TATDN1: variants seen among roughly 807,000 people sequenced by gnomAD.
TATDN1 encodes the protein deoxyribonuclease TATDN1.
TATDN1 carries 40 observed loss-of-function variants against 46.4 expected under a neutral mutation model. The ratio of observed to expected loss-of-function variants is 0.86; its 90% CI spans 0.67 to 1.12. The LOEUF (loss-of-function observed/expected upper bound fraction) is 1.12. TATDN1 is among the 50% of genes most tolerant of loss of function. TATDN1 has a pLI of 0.00. For synonymous variants in TATDN1, 95 were observed against 105.6 expected (o/e 0.90, Z 0.62); for missense variants, 326 against 348.4 (o/e 0.94, Z 0.51).
At chr8:124,489,403 CTTTTT>C (rs11443180) in intron 11 of TATDN1, 1 of 146,752 alleles carries the variant, frequency 6.8e-6, no homozygotes, top group Non-Finnish European at 1.5e-5. Context: ...TCTTTCCTTT[CTTTTT>C]TTTTTCTTTT....
chr8:124,536,228 T>G (rs1821416667), intron 1 of TATDN1, among the ~76,000 whole-genome samples: 1 of 152,150 alleles, frequency 6.6e-6, no homozygotes, highest in South Asian at 2.1e-4. Context: ...ATTCCACTTG[T>G]GGAGACAGAA....
At chr8:124,518,905 A>G (rs748689971) in intron 3 of TATDN1, 24 bp from the exon 4 acceptor site, 4 of 1,527,634 alleles carry the variant, frequency 2.6e-6, no homozygotes, top group Non-Finnish European at 2.7e-6. Flanking sequence ...AAAATAAAAT[A>G]AGCTGACTTT....
rs1324378900 is a variant in TATDN1 at position 124,488,613 on chromosome 8, AC to A, written c.874del (p.Val292TyrfsTer22). 3.2e-6 allele frequency: 5 copies of A among 1,561,196 alleles called. No individual in the cohort carries two copies. Among genetic ancestry groups the A allele is most frequent in the Non-Finnish European group, 4.4e-6 (5 of 1,137,816 alleles). On this transcript the variant is annotated frameshift_variant, in exon 12 of 12. Coordinates refer to ENST00000276692, the MANE Select transcript of TATDN1 (RefSeq NM_032026.4). LOFTEE classifies it high-confidence loss of function. ...TACCAATTATATTCCAGGAAAAAAT[AC>A]TTTAATAGTATTGTTATATAGTGTA... ...ANTLYNNTIK[V>X]FFPGI
chr8:124,528,448 CA>C (rs1452113753), intron 1 of TATDN1, among the ~76,000 whole-genome samples: 1 of 152,224 alleles, frequency 6.6e-6, no homozygotes, highest in Non-Finnish European at 1.5e-5. Context: ...GCTGGGATCA[CA>C]GGGGTGAGCC....
At chr8:124,503,762 A>C (rs959099179) in intron 9 of TATDN1, 1 of 486,120 alleles carries the variant, frequency 2.1e-6, no homozygotes, top group Non-Finnish European at 3.8e-6. Context: ...TGTGAAGTTT[A>C]GTGTGGTACA....
intron 4 of TATDN1, among the ~76,000 whole-genome samples, chr8:124,518,523 C>CAAAA: frequency 1.2e-5 from 1 of 83,140 alleles, no homozygotes; most frequent in Non-Finnish European, 2.8e-5. Flanking sequence ...GACTCCGTCT[C>CAAAA]AAAAAAAAAA....
intron 4 of TATDN1, among the ~76,000 whole-genome samples, chr8:124,517,058 G>A (rs1819535952): frequency 6.6e-6 from 1 of 152,128 alleles, no homozygotes; most frequent in Non-Finnish European, 1.5e-5. Context: ...AGCTGTTTGG[G>A]GATGAAAAGT....
chr8:124,494,684 ACAGG>A (rs1817309099), intron 10 of TATDN1: 4 of 151,434 alleles, frequency 2.6e-5, no homozygotes, highest in Admixed American at 2.6e-4. Context: ...AGCTGGGACT[ACAGG>A]CAAGTGCCAC....
At chr8:124,506,791 C>A (rs1442927276) in intron 8 of TATDN1, among the ~76,000 whole-genome samples, 4 of 152,146 alleles carry the variant, frequency 2.6e-5, no homozygotes, top group Admixed American at 1.3e-4. Context: ...GAGTCACTCT[C>A]CTGAAATTGC....
At chr8:124,502,183 A>C (rs548347741) in intron 9 of TATDN1, among the ~76,000 whole-genome samples, 141 of 152,052 alleles carry the variant, frequency 9.3e-4, no homozygotes, top group African/African-American at 3.2e-3. Flanking sequence ...AAATACAAAA[A>C]CAAAAAAAAT....
At chr8:124,534,267 A>G (rs1821242999) in intron 1 of TATDN1, among the ~76,000 whole-genome samples, 1 of 151,150 alleles carries the variant, frequency 6.6e-6, no homozygotes. Flanking sequence ...ATGACTTTAC[A>G]TTTTTAAATA....
chr8:124,523,579 A>G (rs1435090795), intron 1 of TATDN1: 2 of 152,300 alleles, frequency 1.3e-5, no homozygotes, highest in East Asian at 1.9e-4. Context: ...GAAAATAAAA[A>G]TAACAACACA....
At chr8:124,510,595 G>A (rs561784412) in intron 6 of TATDN1, among the ~76,000 whole-genome samples, 2 of 152,172 alleles carry the variant, frequency 1.3e-5, no homozygotes, top group Non-Finnish European at 2.9e-5. Flanking sequence ...AGGCTGAGGT[G>A]GGTGGATTGC....
At chr8:124,510,393 C>T (rs1489426467) in intron 6 of TATDN1, among the ~76,000 whole-genome samples, 3 of 152,196 alleles carry the variant, frequency 2.0e-5, no homozygotes, top group African/African-American at 7.2e-5. Flanking sequence ...TGCACTGCTC[C>T]ACGCTGTACT....
At chr8:124,496,075 A>G (rs1422054598) in intron 9 of TATDN1, among the ~76,000 whole-genome samples, 1 of 152,260 alleles carries the variant, frequency 6.6e-6, no homozygotes, top group Non-Finnish European at 1.5e-5. Flanking sequence ...TCAAAGATCC[A>G]TGAATGCAAA....
rs374129997 is a variant in TATDN1, at chr8:124,523,708, T to C, written c.23-706A>G. On this transcript the variant is annotated intron_variant, in intron 1 of 11. Transcript: ENST00000276692. Reference sequence around the variant, plus strand: ...ATGATTTAAAGCATACATGAGGATATGCACAGGTTACAGGCAAACACCAAG... The same window carrying C: ...ATGATTTAAAGCATACATGAGGATACGCACAGGTTACAGGCAAACACCAAG... Among the ~76,000 whole-genome samples the C allele has an allele frequency of 2.6e-5, 4 of 152,190 alleles. No individual in the cohort carries two copies. The South Asian group carries it at 8.3e-4, about 32-fold the overall frequency.
At chr8:124,517,468 G>T (rs1819587550) in intron 4 of TATDN1, among the ~76,000 whole-genome samples, 1 of 148,460 alleles carries the variant, frequency 6.7e-6, no homozygotes, top group Non-Finnish European at 1.5e-5. Flanking sequence ...GATCCTAAAA[G>T]ACAAGTGTGG....
At chr8:124,505,395 A>C (rs935289452) in intron 8 of TATDN1, among the ~76,000 whole-genome samples, 25 of 151,962 alleles carry the variant, frequency 1.6e-4, no homozygotes, top group African/African-American at 5.5e-4. Context: ...AAAAACAAAA[A>C]CAAAACAAAA....
At chr8:124,495,189 C>T (rs1405741659) in intron 10 of TATDN1, 1 of 413,630 alleles carries the variant, frequency 2.4e-6, no homozygotes, top group African/African-American at 2.1e-5. Flanking sequence ...GTCAAGACCC[C>T]TTGTTTAGCT....
Sources: allele counts gnomAD v4.1 joint callset (sites outside exome capture counted in the v4.1 genomes callset), GRCh38; gene constraint gnomAD v4.1.1; transcripts MANE v1.5; gene names NCBI Gene and HGNC (gene_info 2026-07-23, HGNC 2026-07-21).